TDRD5: variants seen among roughly 807,000 people sequenced by gnomAD.
TDRD5 encodes the protein tudor domain containing 5.
Under a neutral mutation model 120.6 loss-of-function variants are expected in TDRD5, and 41 were observed. The ratio of observed to expected loss-of-function variants is 0.34; its 90% confidence interval spans 0.26 to 0.44. The LOEUF (loss-of-function observed/expected upper bound fraction) is 0.44, where lower values mean the gene tolerates loss of function less well. TDRD5 is among the 20% of genes least tolerant of loss of function. The pLI is 1.00. For synonymous variants in TDRD5, 430 were observed against 433.7 expected, an observed-to-expected ratio of 0.99 and a Z score of 0.11; for missense variants, 1,006 against 1,221.2, an observed-to-expected ratio of 0.82 and a Z score of 2.63.
At chr1:179,621,968 G>A (rs1268478917) in intron 6 of TDRD5, among the ~76,000 whole-genome samples, 1 of 152,170 alleles carries the variant, frequency 6.6e-6, no homozygotes, top group Middle Eastern at 3.2e-3. Flanking sequence ...GAAAACTATA[G>A]TATATTTATA....
chr1:179,678,109 G>T (rs567976167), intron 17 of TDRD5, among the ~76,000 whole-genome samples: 1 of 152,194 alleles, frequency 6.6e-6, no homozygotes, highest in East Asian at 1.9e-4. Flanking sequence ...GTGGTTCCCA[G>T]TCCAGTGGAA....
At chr1:179,654,072 T>C in intron 13 of TDRD5, 129 bp from the exon 14 acceptor site, 1 of 720,436 alleles carries the variant, frequency 1.4e-6, no homozygotes, top group South Asian at 2.8e-5. Context: ...GGATCATGGA[T>C]AAAGCTATAA....
intron 16 of TDRD5, among the ~76,000 whole-genome samples, chr1:179,664,442 C>T (rs553225374): frequency 6.6e-6 from 1 of 152,186 alleles, no homozygotes; most frequent in South Asian, 2.1e-4. Flanking sequence ...CAAAAAAAAC[C>T]ACCCATGACC....
chr1:179,666,822 A>T (rs903932327), intron 16 of TDRD5, among the ~76,000 whole-genome samples: 2 of 152,222 alleles, frequency 1.3e-5, no homozygotes, highest in African/African-American at 4.8e-5. Context: ...CAACAATTGT[A>T]ATCATGTCTT....
chr1:179,626,222 TAAAA>T (rs1558388222), intron 6 of TDRD5, among the ~76,000 whole-genome samples: 1 of 145,988 alleles, frequency 6.8e-6, no homozygotes, highest in Admixed American at 7.0e-5. Flanking sequence ...ATAATAATAA[TAAAA>T]AGAAAAAAAA....
intron 14 of TDRD5, 50 bp from the exon 15 acceptor site, chr1:179,662,054 A>G (rs775068518): frequency 1.2e-5 from 18 of 1,471,698 alleles, no homozygotes; most frequent in Non-Finnish European, 1.6e-5. Context: ...TTATGTGCTC[A>G]TATAGGAACT....
rs745993002 is a variant in TDRD5 at position 179,620,999 on chromosome 1, G to A, written c.916-36G>A. On this transcript the variant is annotated intron_variant, in intron 5 of 17. Transcript: ENST00000444136. ...TAATATTGTGTCACTCAGCATTTCA[G>A]TGTGTCTATATTGTATTTCACTTTC... The A allele has an allele frequency of 4.0e-6, 6 of 1,483,372 alleles. No homozygotes were observed. In the South Asian group the frequency reaches 5.0e-5, roughly 12 times the overall value. The allele number at this position is 1,483,372 out of a possible 1,614,324, so 91.9% of individuals were successfully genotyped here. A position where few individuals can be genotyped will look rare whatever the true frequency, so the allele number is the denominator to read the frequency against.
chr1:179,626,750 A>G (rs928618687), intron 6 of TDRD5, among the ~76,000 whole-genome samples: 6 of 151,322 alleles, frequency 4.0e-5, no homozygotes, highest in African/African-American at 1.5e-4. Context: ...GAAATTTTAC[A>G]TAAGAAAATC....
At chr1:179,644,359 A>G (rs768673260) in intron 11 of TDRD5, among the ~76,000 whole-genome samples, 5 of 152,272 alleles carry the variant, frequency 3.3e-5, no homozygotes, top group African/African-American at 4.8e-5. Context: ...TGTTGATGTA[A>G]TATATATTTA....
intron 17 of TDRD5, among the ~76,000 whole-genome samples, chr1:179,682,493 T>G (rs1315665789): frequency 6.6e-6 from 1 of 152,114 alleles, no homozygotes; most frequent in African/African-American, 2.4e-5. Flanking sequence ...ACATGTGGTG[T>G]TTGGCTTTCT....
At chr1:179,631,710 A>G (rs1301273449) in intron 7 of TDRD5, among the ~76,000 whole-genome samples, 1 of 152,158 alleles carries the variant, frequency 6.6e-6, no homozygotes, top group Admixed American at 6.5e-5. Flanking sequence ...TACATTTATC[A>G]AAACTAAGAA....
At chr1:179,624,112 G>A (rs1419818563) in intron 6 of TDRD5, among the ~76,000 whole-genome samples, 1 of 152,160 alleles carries the variant, frequency 6.6e-6, no homozygotes, top group Non-Finnish European at 1.5e-5. Context: ...AGAATGCAAG[G>A]TTGGAGTAAC....
chr1:179,659,760 T>A (rs1228417858), intron 14 of TDRD5, among the ~76,000 whole-genome samples: 1 of 151,912 alleles, frequency 6.6e-6, no homozygotes, highest in Non-Finnish European at 1.5e-5. Context: ...TGCAATGGCA[T>A]GATCTCAGCT....
intron 6 of TDRD5, 81 bp downstream of exon 6, chr1:179,621,172 T>C (rs566941081): frequency 1.4e-4 from 175 of 1,278,204 alleles, no homozygotes; most frequent in Admixed American, 1.1e-3. Context: ...GGCTACTCCT[T>C]GGATTCTCCA....
intron 17 of TDRD5, among the ~76,000 whole-genome samples, chr1:179,688,815 C>A: frequency 6.6e-6 from 1 of 152,058 alleles, no homozygotes; most frequent in Admixed American, 6.5e-5. Context: ...TCACTGATAC[C>A]CTTTCTTCCA....
chr1:179,671,951 TGTGTG>T (rs955665608), intron 17 of TDRD5, among the ~76,000 whole-genome samples: 6 of 56,568 alleles, frequency 1.1e-4, no homozygotes, highest in African/African-American at 5.4e-4. Flanking sequence ...TATTCCATGG[TGTGTG>T]TGTGTGTGTG....
At chr1:179,667,976 T>C (rs1679640835) in intron 16 of TDRD5, among the ~76,000 whole-genome samples, 1 of 152,222 alleles carries the variant, frequency 6.6e-6, no homozygotes. Context: ...TGTTTCAGTT[T>C]GCTCTAGGCA....
chr1:179,673,995 A>G (rs1558423200), intron 17 of TDRD5, among the ~76,000 whole-genome samples: 1 of 152,192 alleles, frequency 6.6e-6, no homozygotes. Context: ...ATCAGCAAAC[A>G]GTGACAGTTT....
chr1:179,635,282 CTACTA>C (rs1677701623), intron 8 of TDRD5, among the ~76,000 whole-genome samples: 1 of 152,128 alleles, frequency 6.6e-6, no homozygotes, highest in Non-Finnish European at 1.5e-5. Flanking sequence ...GAAATTTAAC[CTACTA>C]AAGTTACCTT....
Sources: allele counts gnomAD v4.1 joint callset (sites outside exome capture counted in the v4.1 genomes callset), GRCh38; gene constraint gnomAD v4.1.1; transcripts MANE v1.5; gene names NCBI Gene and HGNC (gene_info 2026-07-23, HGNC 2026-07-21).